NIPAL3: variants seen among roughly 807,000 people sequenced by gnomAD.
NIPAL3 encodes the protein NIPA like domain containing 3.
Under a neutral mutation model 47.2 loss-of-function variants are expected in NIPAL3, and 41 were observed. The observed-to-expected ratio is 0.87, with a 90% CI of 0.68 to 1.13. The LOEUF (loss-of-function observed/expected upper bound fraction) is 1.13, where lower values mean the gene tolerates loss of function less well. NIPAL3 is among the 50% of genes most tolerant of loss of function. NIPAL3 has a pLI of 0.00. For missense variants in NIPAL3, 449 were observed against 530.1 expected, an observed-to-expected ratio of 0.85 and a Z score of 1.50; for synonymous variants, 194 against 209.6, an observed-to-expected ratio of 0.93 and a Z score of 0.64.
chr1:24,457,546 T>G (rs1646272468), intron 8 of NIPAL3, among the ~76,000 whole-genome samples: 1 of 152,208 alleles, frequency 6.6e-6, no homozygotes, highest in Non-Finnish European at 1.5e-5. Flanking sequence ...TCTCAGTGCT[T>G]TATGGAACCA....
intron 2 of NIPAL3, among the ~76,000 whole-genome samples, chr1:24,429,009 C>T (rs188329059): frequency 4.0e-4 from 61 of 152,294 alleles, no homozygotes; most frequent in African/African-American, 1.4e-3. Flanking sequence ...ATTTAGTCAA[C>T]CACTCATCTG....
chr1:24,435,309 T>G (rs1027957779), intron 2 of NIPAL3, among the ~76,000 whole-genome samples: 2 of 152,166 alleles, frequency 1.3e-5, no homozygotes, highest in African/African-American at 4.8e-5. Context: ...TTAGAAGAAA[T>G]AAAAATCTTA....
At chr1:24,421,435 T>C (rs371832288) in intron 2 of NIPAL3, among the ~76,000 whole-genome samples, 107 of 152,248 alleles carry the variant, frequency 7.0e-4, no homozygotes, top group African/African-American at 2.4e-3. Flanking sequence ...ATCAAACCTC[T>C]CATTTGATGG....
rs1429934796 is a variant in NIPAL3 at position 24,471,046 on chromosome 1, C to G, written c.*1861C>G. 6.6e-6 allele frequency: 1 copy of G among 152,224 alleles called. No homozygotes were observed. The highest frequency in any genetic ancestry group is 1.5e-5 in the Non-Finnish European group (1 of 68,050). 9.4% of individuals were successfully genotyped at this position (152,224 alleles called of 1,614,324 possible). A position where few individuals can be genotyped will look rare whatever the true frequency, so the allele number is the denominator to read the frequency against. On this transcript the variant is annotated 3_prime_UTR_variant, in exon 12 of 12. Transcript: ENST00000374399. ...TGCGGTCGTGGGCCACAGAAAATGA[C>G]CGTCATGGAGACCCTGCTAAAGGTC... is the stretch of plus-strand genomic sequence containing the variant.
intron 4 of NIPAL3, among the ~76,000 whole-genome samples, chr1:24,443,091 C>T (rs1183406375): frequency 6.6e-6 from 1 of 152,214 alleles, no homozygotes; most frequent in Non-Finnish European, 1.5e-5. Context: ...TTGTAAGCCA[C>T]CACACTGGCC....
In NIPAL3 at chr1:24,448,424, ATAGTAAT is replaced by A. The variant is rs566097398; in HGVS notation, c.395-1054_395-1048del. ...GACAGGTCTGTGGCGTAGAATATTG[ATAGTAAT>A]TATATAGTTATTATATAGTTCCCTT... On this transcript the variant is annotated intron_variant, in intron 5 of 11. Transcript: ENST00000374399. Among the ~76,000 whole-genome samples the A allele has an allele frequency of 4.8e-4, 73 of 152,306 alleles. 3 individuals carry two copies. In the East Asian group the frequency reaches 0.014, roughly 29 times the overall value.
chr1:24,461,774 C>T (rs1188278921), intron 10 of NIPAL3, among the ~76,000 whole-genome samples: 2 of 151,602 alleles, frequency 1.3e-5, no homozygotes, highest in East Asian at 3.9e-4. Flanking sequence ...GAGGCTGAGG[C>T]AGGAGAATCA....
rs574027821 is a variant in NIPAL3, at chr1:24,449,715, G to T, written c.540+89G>T. ...GAAACGTGAATACCCAGCAATAGGG[G>T]ATTCCGTGAGTTGCGGCACATTTTA... On this transcript the variant is annotated intron_variant, in intron 6 of 11. Coordinates refer to ENST00000374399, the MANE Select transcript of NIPAL3 (RefSeq NM_020448.5). This position sits in a 1 kb window ranked among gnomAD's most constrained non-coding sequence, Gnocchi z 4.5. 3.5e-5 allele frequency: 48 copies of T among 1,373,880 alleles called. 1 individual carries two copies. The South Asian group carries it at 6.4e-4, about 18-fold the overall frequency. The allele number at this position is 1,373,880 out of a possible 1,614,324, so 85.1% of individuals were successfully genotyped here.
chr1:24,459,055 C>A, intron 9 of NIPAL3, 79 bp downstream of exon 9: 2 of 1,252,184 alleles, frequency 1.6e-6, no homozygotes, highest in Non-Finnish European at 2.3e-6. Context: ...GAGGCTGATT[C>A]TGCTGACTTG....
intron 3 of NIPAL3, among the ~76,000 whole-genome samples, chr1:24,441,489 C>T (rs1189116011): frequency 2.6e-5 from 4 of 152,138 alleles, no homozygotes; most frequent in Non-Finnish European, 5.9e-5. Flanking sequence ...TCACATTTCC[C>T]CCCAAAAAAG....
chr1:24,417,001 T>C (rs1644077791), intron 1 of NIPAL3: 1 of 152,334 alleles, frequency 6.6e-6, no homozygotes, highest in African/African-American at 2.4e-5. Context: ...GATTGACATG[T>C]CGCTAAGGTC....
At chr1:24,438,446 C>T (rs908501525) in intron 2 of NIPAL3, among the ~76,000 whole-genome samples, 3 of 152,216 alleles carry the variant, frequency 2.0e-5, no homozygotes, top group Non-Finnish European at 4.4e-5. Context: ...AGTTGGTGGG[C>T]CTCCCTCTCG....
At position 24,471,895 on chromosome 1, in the gene NIPAL3, G is replaced by A. The variant is rs924432007; in HGVS notation, c.*2710G>A. 6.6e-6 allele frequency: 1 copy of A among 152,164 alleles called. No homozygotes were observed. The highest frequency in any genetic ancestry group is 2.4e-5 in the African/African-American group (1 of 41,432). The allele number at this position is 152,164 out of a possible 1,614,324, so 9.4% of individuals were successfully genotyped here. A position where few individuals can be genotyped will look rare whatever the true frequency, so the allele number is the denominator to read the frequency against. ...TTTTCTAAAGCTGGGAGTGGAGGCAGGAGGGAGAAACAGAAGGTGAGCAGG... is the reference window on the plus strand; with the variant it reads ...TTTTCTAAAGCTGGGAGTGGAGGCAAGAGGGAGAAACAGAAGGTGAGCAGG... On this transcript the variant is annotated 3_prime_UTR_variant, in exon 12 of 12. Transcript: ENST00000374399.
At chr1:24,429,025 A>G (rs979773353) in intron 2 of NIPAL3, among the ~76,000 whole-genome samples, 13 of 152,180 alleles carry the variant, frequency 8.5e-5, no homozygotes, top group Non-Finnish European at 1.5e-5. Context: ...ATCTGAGGCC[A>G]TCTCATCTTG....
chr1:24,436,230 T>C (rs911574888), intron 2 of NIPAL3, among the ~76,000 whole-genome samples: 4 of 152,266 alleles, frequency 2.6e-5, no homozygotes, highest in Non-Finnish European at 5.9e-5. Context: ...TGTCTAAAAG[T>C]GTTTTTCTTG....
chr1:24,432,809 G>T (rs571511247), intron 2 of NIPAL3, among the ~76,000 whole-genome samples: 4 of 152,206 alleles, frequency 2.6e-5, no homozygotes, highest in African/African-American at 9.7e-5. Context: ...GTTAGTTTAT[G>T]ATTATCATTG....
chr1:24,462,983 T>TAAAATACAAAATACTA (rs200414688), intron 10 of NIPAL3, among the ~76,000 whole-genome samples: 6 of 152,032 alleles, frequency 3.9e-5, no homozygotes, highest in Admixed American at 1.3e-4. Flanking sequence ...CTAAAAATAC[T>TAAAATACAAAATACTA]AAAATACAAA....
chr1:24,449,483 C>T lies in NIPAL3; in HGVS notation c.397C>T (p.Arg133Cys), dbSNP rs762645364. The change falls in exon 6 of 12, where the codon CGC (arginine) becomes TGC (cysteine). Residue 133 changes from arginine (R) to cysteine (C), a missense_variant and splice_region_variant. Coordinates refer to ENST00000374399, the MANE Select transcript of NIPAL3 (RefSeq NM_020448.5). This position sits in a 1 kb window ranked among gnomAD's most constrained non-coding sequence, Gnocchi z 4.5. The stretch of plus-strand genomic sequence containing the variant: ...GTGACAGCCTCTCTTCCCCGCAGGG[C>T]GCTACGTCTTGTCCTTTGTTGGCTG... ...EKWKPKDFLRRYVLSFVGCGL... is the reference protein window; with the variant it reads ...EKWKPKDFLRCYVLSFVGCGL... The T allele has an allele frequency of 1.2e-5, 19 of 1,613,006 alleles. No homozygotes were observed. Among genetic ancestry groups the T allele is most frequent in the Middle Eastern group, 3.8e-4 (2 of 5,268 alleles).
At chr1:24,425,755 T>C (rs1015520135) in intron 2 of NIPAL3, among the ~76,000 whole-genome samples, 5 of 152,190 alleles carry the variant, frequency 3.3e-5, no homozygotes, top group Admixed American at 6.5e-5. Flanking sequence ...GTAAGTCTTA[T>C]ACCCATCCTA....
Sources: allele counts gnomAD v4.1 joint callset (sites outside exome capture counted in the v4.1 genomes callset), GRCh38; gene constraint gnomAD v4.1.1; non-coding constraint Gnocchi (gnomAD v3.1); transcripts MANE v1.5; gene names NCBI Gene and HGNC (gene_info 2026-07-23, HGNC 2026-07-21).